MIB2: variants seen among roughly 807,000 people sequenced by gnomAD.
The protein encoded by MIB2 is E3 ubiquitin-protein ligase MIB2.
Under a neutral mutation model 96.6 loss-of-function variants are expected in MIB2, and 78 were observed. The observed-to-expected ratio is 0.81, with a 90% CI of 0.67 to 0.97. MIB2 has a LOEUF of 0.97. MIB2 is among the 50% of genes least tolerant of loss of function. MIB2 has a pLI of 0.00. For missense variants in MIB2, 1,543 were observed against 1,424.0 expected (o/e 1.08, Z -1.35); for synonymous variants, 820 against 629.5 (o/e 1.30, Z -4.53).
At chr1:1,629,080 C>T (rs899396091) in intron 16 of MIB2, 53 bp from the exon 17 acceptor site, 4 of 1,387,340 alleles carry the variant, frequency 2.9e-6, no homozygotes, top group Admixed American at 3.5e-5. Flanking sequence ...GGAGACGCCT[C>T]CCTCGGGCCT....
In MIB2 at chr1:1,625,220, C is replaced by T. The variant is rs1644628925; in HGVS notation, c.721+35C>T. ...TGTCACACTGACTCCATCAGCCCTC[C>T]TGCCTTGGCTGAAGTCCCAGAGGGG... is the stretch of plus-strand genomic sequence containing the variant. On this transcript the variant is annotated intron_variant, in intron 6 of 19. Coordinates refer to ENST00000355826, the MANE Select transcript of MIB2 (RefSeq NM_001170687.4). This position sits in a 1 kb window ranked among gnomAD's most constrained non-coding sequence, Gnocchi z 5.0. The T allele has an allele frequency of 6.2e-7, 1 of 1,602,594 alleles. No homozygotes were observed.
At position 1,627,322 on chromosome 1, in the gene MIB2, C is replaced by G. The variant is rs75147751; in HGVS notation, c.1401C>G (p.Thr467=). The G allele has an allele frequency of 6.2e-7, 1 of 1,613,196 alleles. No homozygotes were observed. Among genetic ancestry groups the G allele is most frequent in the South Asian group, 1.1e-5 (1 of 91,088 alleles). ...EQVDTKNQGR[T]ALQVAAYLGQ... ...TGGACACCAAGAACCAAGGCAGGAC[C>G]GCTCTGCAAGTGGCTGCCTACCTGG... The change falls in exon 12 of 20, where the codon ACC becomes ACG. Residue 467 remains threonine, a synonymous_variant. Transcript: ENST00000355826.
chr1:1,628,777 C>G, intron 16 of MIB2, 55 bp downstream of exon 16: 1 of 1,382,344 alleles, frequency 7.2e-7, no homozygotes, highest in Non-Finnish European at 9.7e-7. Context: ...CGGCAGCAGG[C>G]TCTGGGCAGG....
At position 1,626,888 on chromosome 1, in the gene MIB2, C is replaced by A; in HGVS notation, c.1129C>A (p.Arg377Ser). The A allele has an allele frequency of 6.2e-7, 1 of 1,606,634 alleles. No individual in the cohort carries two copies. Among genetic ancestry groups the A allele is most frequent in the Non-Finnish European group, 8.5e-7 (1 of 1,179,592 alleles). ...GAAAGTGTTTGGAGACGGGAACCTG[C>A]GTGTAGCAGTCGCTGGTCAGCGGTG... Reference protein sequence around the residue: ...VVKVFGDGNLRVAVAGQRWTF... With the variant: ...VVKVFGDGNLSVAVAGQRWTF... The change falls in exon 10 of 20, where the codon CGT becomes AGT. Residue 377 changes from arginine (R) to serine (S), a missense_variant. Arg to Ser is a moderately radical substitution (Grantham distance 110). Transcript: ENST00000355826. This position sits in a 1 kb window ranked among gnomAD's most constrained non-coding sequence, Gnocchi z 5.3.
chr1:1,615,954 C>T lies in MIB2; in HGVS notation c.-130+321C>T, dbSNP rs1012870849. 11 of 986,454 alleles carry T rather than the reference C, an allele frequency of 1.1e-5. No homozygotes were observed. In the African/African-American group the frequency reaches 1.9e-4, roughly 17 times the overall value. The allele number at this position is 986,454 out of a possible 1,614,324, so 61.1% of individuals were successfully genotyped here. A position where few individuals can be genotyped will look rare whatever the true frequency, so the allele number is the denominator to read the frequency against. ...TGGGCTGCGGCGCGCGGCAGGCGCT[C>T]TGGCCTGGCCTGGCCGCCGCTGAGC... On this transcript the variant is annotated intron_variant, in intron 1 of 19. Coordinates refer to ENST00000355826, the MANE Select transcript of MIB2 (RefSeq NM_001170687.4).
rs137939848 is a variant in MIB2, at chr1:1,630,592, G to A, written c.*62G>A. 2.2e-6 allele frequency: 3 copies of A among 1,339,040 alleles called. No individual in the cohort carries two copies. The highest frequency in any genetic ancestry group is 3.0e-6 in the Non-Finnish European group (3 of 1,009,594). 82.9% of individuals were successfully genotyped at this position (1,339,040 alleles called of 1,614,324 possible). A position where few individuals can be genotyped will look rare whatever the true frequency, so the allele number is the denominator to read the frequency against. On this transcript the variant is annotated 3_prime_UTR_variant, in exon 20 of 20. Coordinates refer to ENST00000355826, the MANE Select transcript of MIB2 (RefSeq NM_001170687.4). Reference sequence around the variant, plus strand: ...GCCCCCGCCCTGTGTTTTATAAAAAGAAAGATTCTCGGACGTTGCCTCTGC... The same window carrying A: ...GCCCCCGCCCTGTGTTTTATAAAAAAAAAGATTCTCGGACGTTGCCTCTGC...
rs554290326 is a variant in MIB2 at position 1,621,190 on chromosome 1, G to A, written c.-22-2241G>A. ...CCTGGGGGCTGCCCTCAGAGGCCCC[G>A]CGAGGGGAATAGTGCCACAGGGGCC... On this transcript the variant is annotated intron_variant, in intron 2 of 19. Coordinates refer to ENST00000355826, the MANE Select transcript of MIB2 (RefSeq NM_001170687.4). Among the ~76,000 whole-genome samples, 7 of 151,814 alleles carry A rather than the reference G, an allele frequency of 4.6e-5. No individual in the cohort carries two copies. The East Asian group carries it at 9.8e-4, about 21-fold the overall frequency.
upstream of MIB2, chr1:1,614,665 C>G (rs1338709416): frequency 6.6e-6 from 1 of 152,272 alleles, no homozygotes; most frequent in East Asian, 1.9e-4. Context: ...AGGGGTGCAG[C>G]GGGGAAGATC....
intron 2 of MIB2, among the ~76,000 whole-genome samples, chr1:1,619,362 G>A (rs1024753736): frequency 6.6e-6 from 1 of 152,206 alleles, no homozygotes; most frequent in Non-Finnish European, 1.5e-5. Flanking sequence ...GCGACAGAGC[G>A]AGATTACGTC....
chr1:1,627,581 T>A, intron 12 of MIB2, 92 bp from the exon 13 acceptor site: 1 of 1,496,992 alleles, frequency 6.7e-7, no homozygotes, highest in Non-Finnish European at 8.8e-7. Context: ...GGGCTGAGCC[T>A]GTGCGTCCTG....
At position 1,623,487 on chromosome 1, in the gene MIB2, G is replaced by A; in HGVS notation, c.35G>A (p.Gly12Asp). The A allele has an allele frequency of 6.3e-7, 1 of 1,580,490 alleles. No homozygotes were observed. The highest frequency in any genetic ancestry group is 8.6e-7 in the Non-Finnish European group (1 of 1,165,594). ...GACCCCCAGGCGGGCGTGCAGGTGG[G>A]CATGCGGGTGGTGCGCGGCGTGGAC... is the stretch of plus-strand genomic sequence containing the variant. ...DPDPQAGVQV[G>D]MRVVRGVDWK... Residue 12 changes from glycine to aspartate, a missense_variant, in exon 3 of 20, where the codon GGC becomes GAC. By Grantham distance (94) the Gly-to-Asp change is moderately conservative. Coordinates refer to ENST00000355826, the MANE Select transcript of MIB2 (RefSeq NM_001170687.4).
upstream of MIB2, chr1:1,613,904 A>C (rs920338280): frequency 6.6e-6 from 1 of 152,254 alleles, no homozygotes; most frequent in Non-Finnish European, 1.5e-5. Context: ...TCTAGGTCGG[A>C]ACAGGAGAAT....
Position 1,623,484 on chromosome 1 carries a change from TG to T in MIB2, c.35del (p.Gly12AlafsTer132). 6.3e-7 allele frequency: 1 copy of T among 1,583,622 alleles called. No homozygotes were observed. Among genetic ancestry groups the T allele is most frequent in the Non-Finnish European group, 8.6e-7 (1 of 1,167,260 alleles). Reference sequence around the variant, plus strand: ...CCAGACCCCCAGGCGGGCGTGCAGGTGGGCATGCGGGTGGTGCGCGGCGTGG... The same window carrying T: ...CCAGACCCCCAGGCGGGCGTGCAGGTGGCATGCGGGTGGTGCGCGGCGTGG... The part of the protein sequence containing the change: MDPDPQAGVQ[V>X]GMRVVRGVDW... On this transcript the variant is annotated frameshift_variant, in exon 3 of 20. Coordinates refer to ENST00000355826, the MANE Select transcript of MIB2 (RefSeq NM_001170687.4). LOFTEE classifies it high-confidence loss of function.
intron 2 of MIB2, among the ~76,000 whole-genome samples, chr1:1,622,476 C>T (rs1184360671): frequency 1.3e-5 from 2 of 152,184 alleles, no homozygotes; most frequent in Non-Finnish European, 2.9e-5. Flanking sequence ...CAGTCCTGGG[C>T]CTCGAGCCCT....
intron 2 of MIB2, among the ~76,000 whole-genome samples, chr1:1,620,251 G>A (rs1644130634): frequency 6.6e-6 from 1 of 152,264 alleles, no homozygotes; most frequent in Non-Finnish European, 1.5e-5. Flanking sequence ...TGGGCGCAGA[G>A]ACAGAAGGCG....
At chr1:1,623,165 G>GCCAGGCTCCCTGATCCCTGGGC in intron 2 of MIB2, 1 of 536,380 alleles carries the variant, frequency 1.9e-6, no homozygotes, top group East Asian at 3.4e-5. Flanking sequence ...AGCCCCCGGG[G>GCCAGGCTCCCTGATCCCTGGGC]CCAGGCTCCC....
chr1:1,619,377 A>G (rs1246869699), intron 2 of MIB2, among the ~76,000 whole-genome samples: 2 of 152,206 alleles, frequency 1.3e-5, no homozygotes, highest in Admixed American at 1.3e-4. Flanking sequence ...TACGTCTCAA[A>G]AAAACCAAAA....
chr1:1,629,066 G>A (rs1176225666), intron 16 of MIB2, 67 bp from the exon 17 acceptor site: 5 of 1,361,650 alleles, frequency 3.7e-6, no homozygotes, highest in Non-Finnish European at 4.7e-6. Flanking sequence ...GCTGCCAGGT[G>A]CCAGGAGACG....
chr1:1,619,332 GC>G (rs945122910), intron 2 of MIB2: 3 of 152,372 alleles, frequency 2.0e-5, no homozygotes, highest in Non-Finnish European at 4.4e-5. Context: ...CTGAGATTGC[GC>G]CACTGCGCTC....
Sources: gnomAD v4.1 joint callset for allele counts (sites outside exome capture counted in the v4.1 genomes callset) on GRCh38, gnomAD v4.1.1 for gene constraint, Gnocchi (gnomAD v3.1) non-coding constraint, MANE v1.5 for transcripts, NCBI Gene and HGNC (gene_info 2026-07-23, HGNC 2026-07-21) for gene names.